Variants in CFAP251 observed in about 807,000 individuals in gnomAD.
CFAP251 encodes cilia- and flagella-associated protein 251.
A neutral mutation model predicts 126.7 loss-of-function variants in CFAP251; 93 were observed. The ratio of observed to expected loss-of-function variants is 0.73; its 90% confidence interval spans 0.62 to 0.87. The LOEUF (loss-of-function observed/expected upper bound fraction) is 0.87, where lower values mean the gene tolerates loss of function less well. Ranked by LOEUF, CFAP251 falls within the 40% of genes least tolerant of loss-of-function variation. CFAP251 has a pLI of 0.00. For missense variants in CFAP251, 1,287 were observed against 1,389.2 expected (o/e 0.93, Z 1.17); for synonymous variants, 503 against 506.9 (o/e 0.99, Z 0.10).
intron 19 of CFAP251, among the ~76,000 whole-genome samples, chr12:121,983,247 A>G (rs1307159957): frequency 1.3e-5 from 2 of 151,974 alleles, no homozygotes; most frequent in Non-Finnish European, 2.9e-5. Flanking sequence ...AAAAAAAATT[A>G]GTTGGGGATA....
Position 121,958,451 on chromosome 12 carries a change from A to G in CFAP251, c.1910A>G (p.Asn637Ser). The change falls in exon 12 of 22, where the codon AAC (asparagine) becomes AGC (serine). Residue 637 changes from asparagine (N) to serine (S), a missense_variant. Transcript: ENST00000288912. ...CGMIKVWNYENKQYLFSRVFE... is the reference protein window; with the variant it reads ...CGMIKVWNYESKQYLFSRVFE... ...ATGATCAAAGTGTGGAATTATGAAA[A>G]CAAACAATATCTTTTCAGCAGGGTT... The G allele has an allele frequency of 1.2e-6, 2 of 1,614,252 alleles. No homozygotes were observed. Among genetic ancestry groups the G allele is most frequent in the Non-Finnish European group, 1.7e-6 (2 of 1,180,040 alleles).
At position 121,989,204 on chromosome 12, in the gene CFAP251, G is replaced by A. The variant is rs140018145; in HGVS notation, c.3007-10512G>A. On this transcript the variant is annotated intron_variant, in intron 19 of 21. Transcript: ENST00000288912. The surrounding 1 kb of genome is among the most constrained non-coding windows in gnomAD (Gnocchi z 4.2). ...CTAGGACTGTCTCTTTCAGACCTTT[G>A]AAAACATTCACTGGGAAGGGAAGAG... 7.1e-4 allele frequency among the ~76,000 whole-genome samples: 108 copies of A among 152,352 alleles called. No homozygotes were observed. Among genetic ancestry groups the A allele is most frequent in the African/African-American group, 2.3e-3 (95 of 41,574 alleles).
Position 121,958,909 on chromosome 12 carries a change from T to G in CFAP251, c.1982-34T>G, listed in dbSNP as rs755742350. 3.2e-6 allele frequency: 5 copies of G among 1,554,358 alleles called. No individual in the cohort carries two copies. The Admixed American group carries it at 8.4e-5, about 26-fold the overall frequency. On this transcript the variant is annotated intron_variant, in intron 12 of 21. Transcript: ENST00000288912. ...CTCAACATCTCTTGAATGAATGTAA[T>G]CCTTTTCCATCGTTCTCTGGCTTGT... is the stretch of plus-strand genomic sequence containing the variant.
chr12:121,925,856 A>T (rs980132483), intron 3 of CFAP251, among the ~76,000 whole-genome samples: 2 of 151,842 alleles, frequency 1.3e-5, no homozygotes, highest in South Asian at 2.1e-4. Flanking sequence ...TTATTTATTT[A>T]TTTTTTGAGG....
intron 7 of CFAP251, among the ~76,000 whole-genome samples, chr12:121,944,107 C>T (rs907057932): frequency 2.0e-5 from 3 of 152,150 alleles, no homozygotes; most frequent in Admixed American, 1.3e-4. Flanking sequence ...GTCACTGCTC[C>T]CTGCTTTTGT....
At chr12:121,954,689 A>T (rs1881666000) in intron 10 of CFAP251, among the ~76,000 whole-genome samples, 1 of 142,616 alleles carries the variant, frequency 7.0e-6, no homozygotes, top group Admixed American at 7.3e-5. Flanking sequence ...ATGTATATGC[A>T]TATTTTGTAT....
intron 15 of CFAP251, among the ~76,000 whole-genome samples, chr12:121,965,586 GA>G (rs879320452): frequency 6.8e-6 from 1 of 148,082 alleles, no homozygotes; most frequent in Non-Finnish European, 1.5e-5. Flanking sequence ...TTTTAGAAAA[GA>G]AAAAAAAAGG....
In CFAP251 at chr12:121,958,633, C is replaced by T. The variant is rs1215794312; in HGVS notation, c.1981+111C>T. On this transcript the variant is annotated intron_variant, in intron 12 of 21. Coordinates refer to ENST00000288912, the MANE Select transcript of CFAP251 (RefSeq NM_144668.6). ...AAGTCTCCCCGACTCCAGCCCCCAG[C>T]AGGCTGGATGAGGCGCCTTCTCTCT... 6.6e-6 allele frequency: 10 copies of T among 1,504,870 alleles called. No individual in the cohort carries two copies. The East Asian group carries it at 6.8e-5, about 10-fold the overall frequency. 93.2% of individuals were successfully genotyped at this position (1,504,870 alleles called of 1,614,324 possible). A position where few individuals can be genotyped will look rare whatever the true frequency, so the allele number is the denominator to read the frequency against.
chr12:122,001,796 G>A (rs904307435), intron 21 of CFAP251, 198 bp downstream of exon 21: 8 of 589,784 alleles, frequency 1.4e-5, no homozygotes, highest in Non-Finnish European at 2.1e-5. Flanking sequence ...CGCTCTGTCC[G>A]TCCTTTTGTT....
At chr12:121,934,154 A>C in intron 4 of CFAP251, 93 bp from the exon 5 acceptor site, 1 of 928,286 alleles carries the variant, frequency 1.1e-6, no homozygotes, top group Non-Finnish European at 1.6e-6. Context: ...AAAGGAGCTC[A>C]GATCTTTCTG....
intron 4 of CFAP251, chr12:121,932,576 T>A (rs1880735963): frequency 6.6e-6 from 1 of 152,508 alleles, no homozygotes; most frequent in Admixed American, 6.6e-5. Context: ...TTTCCAAGCA[T>A]CCTATTCCTT....
At chr12:121,976,170 C>T (rs145831866) in intron 19 of CFAP251, among the ~76,000 whole-genome samples, 142 of 152,028 alleles carry the variant, frequency 9.3e-4, no homozygotes, top group African/African-American at 3.1e-3. Flanking sequence ...CACCACGCCC[C>T]GCTAATTTTT....
chr12:121,998,791 G>C (rs1322701048), intron 19 of CFAP251: 2 of 149,992 alleles, frequency 1.3e-5, no homozygotes, highest in African/African-American at 2.5e-5. Context: ...TCTGGAGGCT[G>C]AGGTGAGAGG....
At chr12:121,984,604 G>T (rs916605213) in intron 19 of CFAP251, among the ~76,000 whole-genome samples, 2 of 152,116 alleles carry the variant, frequency 1.3e-5, no homozygotes, top group Non-Finnish European at 2.9e-5. Context: ...ACGGCGCCCG[G>T]CCTAGAAATC....
chr12:121,956,813 T>C (rs1262740288), intron 10 of CFAP251, among the ~76,000 whole-genome samples: 1 of 152,188 alleles, frequency 6.6e-6, no homozygotes, highest in Non-Finnish European at 1.5e-5. Context: ...ATTTTTTTAA[T>C]GCAAATTTTC....
In CFAP251 at chr12:121,962,041, G is replaced by C; in HGVS notation, c.2371G>C (p.Asp791His). ...HLEVLDIHHT[D>H]QGCYPTCMVW... Reference sequence around the variant, plus strand: ...GGAAGTCCTGGACATTCACCACACCGACCAGGGCTGCTATCCCACCTGCAT... The same window carrying C: ...GGAAGTCCTGGACATTCACCACACCCACCAGGGCTGCTATCCCACCTGCAT... The change falls in exon 15 of 22, where the codon GAC (aspartate) becomes CAC (histidine). Residue 791 changes from aspartate (D) to histidine (H), a missense_variant. Physicochemically the swap from Asp to His is moderately conservative, Grantham distance 81. Coordinates refer to ENST00000288912, the MANE Select transcript of CFAP251 (RefSeq NM_144668.6). The C allele has an allele frequency of 6.2e-7, 1 of 1,613,912 alleles. No homozygotes were observed. Among genetic ancestry groups the C allele is most frequent in the Non-Finnish European group, 8.5e-7 (1 of 1,180,018 alleles).
intron 21 of CFAP251, among the ~76,000 whole-genome samples, chr12:122,003,401 A>G (rs7961660): frequency 0.11 from 16,554 of 151,970 alleles, 1,943 homozygotes; most frequent in African/African-American, 0.3. Flanking sequence ...GCGAGACCCC[A>G]TCTCTACAAA....
At chr12:121,924,094 T>C in intron 3 of CFAP251, 104 bp downstream of exon 3, 4 of 1,349,532 alleles carry the variant, frequency 3.0e-6, no homozygotes, top group Non-Finnish European at 4.0e-6. Flanking sequence ...AGAAGGATAC[T>C]TTTTAAACTA....
At chr12:121,960,974 C>T (rs113895387) in intron 14 of CFAP251, among the ~76,000 whole-genome samples, 3 of 152,296 alleles carry the variant, frequency 2.0e-5, no homozygotes, top group Admixed American at 6.5e-5. Flanking sequence ...GGAGGCTTCC[C>T]GGGCAGCAAC....
Sources: gnomAD v4.1 joint callset for allele counts (sites outside exome capture counted in the v4.1 genomes callset) on GRCh38, gnomAD v4.1.1 for gene constraint, Gnocchi (gnomAD v3.1) non-coding constraint, MANE v1.5 for transcripts, NCBI Gene and HGNC (gene_info 2026-07-23, HGNC 2026-07-21) for gene names.